Variants in TOR1AIP1 observed in about 807,000 individuals in gnomAD.
The protein encoded by TOR1AIP1 is torsin-1A-interacting protein 1.
In TOR1AIP1, 54 loss-of-function variants were observed where a neutral mutation model predicts 63.3. The observed-to-expected ratio is 0.85, with a 90% CI of 0.69 to 1.07. The LOEUF is 1.07. Ranked by LOEUF, TOR1AIP1 falls within the 50% of genes least tolerant of loss-of-function variation. TOR1AIP1 has a pLI of 0.00. For synonymous variants in TOR1AIP1, 294 were observed against 273.5 expected (o/e 1.07, Z -0.74); for missense variants, 736 against 715.0 (o/e 1.03, Z -0.33).
At chr1:179,893,986 G>A (rs900757441) in intron 3 of TOR1AIP1, among the ~76,000 whole-genome samples, 5 of 152,036 alleles carry the variant, frequency 3.3e-5, no homozygotes, top group Non-Finnish European at 4.4e-5. Flanking sequence ...CAACAAGGCC[G>A]GGCACGGTGG....
chr1:179,896,306 C>G (rs1036276290), intron 3 of TOR1AIP1, among the ~76,000 whole-genome samples: 1 of 151,754 alleles, frequency 6.6e-6, no homozygotes, highest in African/African-American at 2.4e-5. Context: ...GAGACAGGGT[C>G]TCACTCTGTC....
At chr1:179,883,230 A>G (rs961737780) in intron 1 of TOR1AIP1, among the ~76,000 whole-genome samples, 1 of 152,142 alleles carries the variant, frequency 6.6e-6, no homozygotes, top group African/African-American at 2.4e-5. Context: ...CGCTCTGCCC[A>G]ACATCGGGCA....
chr1:179,882,720 T>A lies in TOR1AIP1; in HGVS notation c.218T>A (p.Leu73Gln). The change falls in exon 1 of 10, where the codon CTG (leucine) becomes CAG (glutamine). Residue 73 changes from leucine to glutamine, a missense_variant. Coordinates refer to ENST00000606911, the MANE Select transcript of TOR1AIP1 (RefSeq NM_015602.4). Reference protein sequence around the residue: ...PPEVYGDFEPLVAKERSPVGK... With the variant: ...PPEVYGDFEPQVAKERSPVGK... ...GAAGTGTACGGCGACTTCGAGCCCC[T>A]GGTGGCCAAAGAAAGGTCCCCGGTG... 1 of 1,613,736 alleles carries A rather than the reference T, an allele frequency of 6.2e-7. No homozygotes were observed. Among genetic ancestry groups the A allele is most frequent in the Non-Finnish European group, 8.5e-7 (1 of 1,179,822 alleles).
At chr1:179,906,510 C>T (rs1648636540) in intron 6 of TOR1AIP1, among the ~76,000 whole-genome samples, 2 of 152,096 alleles carry the variant, frequency 1.3e-5, no homozygotes, top group Non-Finnish European at 2.9e-5. Context: ...ATTTTTTAGT[C>T]ATCCCATTGT....
chr1:179,887,999 C>T (rs1647958895), intron 2 of TOR1AIP1: 1 of 152,076 alleles, frequency 6.6e-6, no homozygotes, highest in South Asian at 2.1e-4. Context: ...TCTCTGGTAC[C>T]CTGTGTCTTT....
At position 179,900,122 on chromosome 1, in the gene TOR1AIP1, C is replaced by G. The variant is rs754093628; in HGVS notation, c.611-4C>G. 3 of 1,603,336 alleles carry G rather than the reference C, an allele frequency of 1.9e-6. No homozygotes were observed. The highest frequency in any genetic ancestry group is 3.4e-5 in the Admixed American group (2 of 59,598). On this transcript the variant is annotated splice_region_variant and splice_polypyrimidine_tract_variant and intron_variant, in intron 3 of 9. Transcript: ENST00000606911. ...AATATTTGATGTATGCTTTTTTCTT[C>G]TAGAAGCCACCAGTGTCCAACAGAA...
At chr1:179,902,747 G>C (rs985401635) in intron 5 of TOR1AIP1, among the ~76,000 whole-genome samples, 4 of 151,938 alleles carry the variant, frequency 2.6e-5, no homozygotes, top group Admixed American at 2.6e-4. Flanking sequence ...CCTCAGTCTT[G>C]TCATCTGGAT....
chr1:179,895,167 T>G lies in TOR1AIP1; in HGVS notation c.611-4959T>G, dbSNP rs149010911. On this transcript the variant is annotated intron_variant, in intron 3 of 9. Coordinates refer to ENST00000606911, the MANE Select transcript of TOR1AIP1 (RefSeq NM_015602.4). ...ACACCTTCTTAAACAGCATGTTTAA[T>G]TATTACCATTTGTCTATATATTTGC... Among the ~76,000 whole-genome samples the G allele has an allele frequency of 5.0e-3, 766 of 152,364 alleles. 6 individuals carry two copies. Among genetic ancestry groups the G allele is most frequent in the African/African-American group, 0.017 (693 of 41,584 alleles).
Position 179,901,369 on chromosome 1 carries a change from G to A in TOR1AIP1, c.720G>A (p.Arg240=). Residue 240 remains arginine, a synonymous_variant, in exon 5 of 10, where the codon AGG becomes AGA. Transcript: ENST00000606911. ...SSVTTVKARS[R]DSDESGDKTT... The stretch of plus-strand genomic sequence containing the variant: ...TCACTACTGTTAAGGCCAGATCCAG[G>A]GATTCTGATGAATCTGGAGGTAATA... 1.2e-6 allele frequency: 2 copies of A among 1,603,682 alleles called. No individual in the cohort carries two copies. Among genetic ancestry groups the A allele is most frequent in the African/African-American group, 1.3e-5 (1 of 74,718 alleles).
At position 179,882,991 on chromosome 1, in the gene TOR1AIP1, AG is replaced by A; in HGVS notation, c.475+16del. On this transcript the variant is annotated intron_variant, in intron 1 of 9. Coordinates refer to ENST00000606911, the MANE Select transcript of TOR1AIP1 (RefSeq NM_015602.4). ...ATTCCTCTGAAGGTGAGGACCGCGG[AG>A]GTAACAGTCCCAGCCGCGAGCCAGG... 3.1e-6 allele frequency: 5 copies of A among 1,599,854 alleles called. No individual in the cohort carries two copies. The highest frequency in any genetic ancestry group is 4.3e-6 in the Non-Finnish European group (5 of 1,174,026).
intron 4 of TOR1AIP1, among the ~76,000 whole-genome samples, chr1:179,900,895 GT>G (rs1470311763): frequency 6.6e-6 from 1 of 151,988 alleles, no homozygotes; most frequent in Non-Finnish European, 1.5e-5. Flanking sequence ...TTGTGTGCAG[GT>G]GTGTGTACAC....
At chr1:179,904,597 T>C (rs1022233189) in intron 6 of TOR1AIP1, 57 of 152,202 alleles carry the variant, frequency 3.7e-4, no homozygotes, top group African/African-American at 1.4e-3. Flanking sequence ...TGCTTAAGAA[T>C]CATTGGTGAC....
chr1:179,892,381 G>A (rs1398004513), intron 3 of TOR1AIP1, among the ~76,000 whole-genome samples: 1 of 152,034 alleles, frequency 6.6e-6, no homozygotes, highest in Non-Finnish European at 1.5e-5. Context: ...TCTGAGGCAG[G>A]AGAATCACTT....
chr1:179,917,495 C>G lies in TOR1AIP1; in HGVS notation c.1008C>G (p.Asn336Lys). 6.2e-7 allele frequency: 1 copy of G among 1,613,536 alleles called. No homozygotes were observed. The highest frequency in any genetic ancestry group is 8.5e-7 in the Non-Finnish European group (1 of 1,179,968). Reference protein sequence around the residue: ...QPQNASFVKRNRWWLLPLIAA... With the variant: ...QPQNASFVKRKRWWLLPLIAA... ...AAAATGCATCTTTTGTCAAGAGGAA[C>G]CGGTGGTGGCTACTTCCTCTGATAG... Residue 336 changes from asparagine to lysine, a missense_variant, in exon 10 of 10, where the codon AAC becomes AAG. Asn to Lys is a moderately conservative substitution (Grantham distance 94). Around this residue, in one of 2 missense-constraint regions of TOR1AIP1, gnomAD observed 272 missense variants for 344.1 expected, o/e 0.79. Transcript: ENST00000606911.
intron 3 of TOR1AIP1, among the ~76,000 whole-genome samples, chr1:179,892,015 A>G (rs1353480886): frequency 1.3e-5 from 2 of 152,198 alleles, no homozygotes; most frequent in African/African-American, 2.4e-5. Flanking sequence ...TTTTAAATGA[A>G]TCTACATTGA....
chr1:179,917,580 G>T lies in TOR1AIP1; in HGVS notation c.1093G>T (p.Val365Phe). The T allele has an allele frequency of 6.2e-7, 1 of 1,614,168 alleles. No individual in the cohort carries two copies. The highest frequency in any genetic ancestry group is 8.5e-7 in the Non-Finnish European group (1 of 1,180,046). Residue 365 changes from valine (V) to phenylalanine (F), a missense_variant, in exon 10 of 10, where the codon GTT (valine) becomes TTT (phenylalanine). Coordinates refer to ENST00000606911, the MANE Select transcript of TOR1AIP1 (RefSeq NM_015602.4). ...TACTCCTGAGGTAGAAACCACTGCT[G>T]TTCAAGAGTTCCAGAACCAGATGAA... ...FSTPEVETTA[V>F]QEFQNQMNQL...
rs2148484528 is a variant in TOR1AIP1, at chr1:179,918,469, A to T, written c.*230A>T. ...TCTGTTAAAGGTATCTTAGGAGTGC[A>T]GATTATATGCAGTTCCTTAGAGAAT... On this transcript the variant is annotated 3_prime_UTR_variant, in exon 10 of 10. Coordinates refer to ENST00000606911, the MANE Select transcript of TOR1AIP1 (RefSeq NM_015602.4). The T allele has an allele frequency of 2.0e-6, 1 of 504,460 alleles. No individual in the cohort carries two copies. The highest frequency in any genetic ancestry group is 2.7e-5 in the South Asian group (1 of 37,644). 31.2% of individuals were successfully genotyped at this position (504,460 alleles called of 1,614,324 possible).
At chr1:179,892,053 T>C (rs1342893483) in intron 3 of TOR1AIP1, among the ~76,000 whole-genome samples, 3 of 152,236 alleles carry the variant, frequency 2.0e-5, no homozygotes, top group Admixed American at 1.3e-4. Flanking sequence ...TTTTTTTACA[T>C]TTTAATTATT....
chr1:179,914,137 G>A (rs1015448335), intron 9 of TOR1AIP1, 83 bp downstream of exon 9: 4 of 1,184,390 alleles, frequency 3.4e-6, no homozygotes, highest in Admixed American at 2.0e-5. Context: ...TTTGACAGCA[G>A]TATGACTCGA....
Sources: gnomAD v4.1 joint callset for allele counts (sites outside exome capture counted in the v4.1 genomes callset) on GRCh38, gnomAD v4.1.1 for gene constraint, gnomAD v4.1.1 regional missense constraint, MANE v1.5 for transcripts, NCBI Gene and HGNC (gene_info 2026-07-23, HGNC 2026-07-21) for gene names.